The following DLG5 variants were observed in gnomAD, a reference collection of about 807,000 sequenced individuals.
DLG5 encodes the protein discs large MAGUK scaffold protein 5.
In DLG5, 48 loss-of-function variants were observed where a neutral mutation model predicts 189.8. That is an observed-to-expected ratio of 0.25 (90% confidence interval 0.20 to 0.32). The LOEUF (loss-of-function observed/expected upper bound fraction) is 0.32, where lower values mean the gene tolerates loss of function less well. DLG5 is among the 10% of genes least tolerant of loss of function. The pLI is 1.00. For synonymous variants in DLG5, 1,016 were observed against 1,054.1 expected (o/e 0.96, Z 0.70); for missense variants, 2,160 against 2,544.7 (o/e 0.85, Z 3.25).
At position 77,823,776 on chromosome 10, in the gene DLG5, C is replaced by A. The variant is rs567833797; in HGVS notation, c.2382+608G>T. ...GAACTCCCGACCTCAGGTGATCCAC[C>A]CGCCTCCCAAAGTGCTGGGATTACA... On this transcript the variant is annotated intron_variant, in intron 14 of 31. Coordinates refer to ENST00000372391, the MANE Select transcript of DLG5 (RefSeq NM_004747.4). Among the ~76,000 whole-genome samples, 3 of 152,220 alleles carry A rather than the reference C, an allele frequency of 2.0e-5. No homozygotes were observed. The East Asian group carries it at 5.8e-4, about 29-fold the overall frequency.
At chr10:77,876,388 T>G (rs1200471165) in intron 1 of DLG5, among the ~76,000 whole-genome samples, 1 of 148,834 alleles carries the variant, frequency 6.7e-6, no homozygotes, top group Non-Finnish European at 1.5e-5. Flanking sequence ...TTTTTTTTTT[T>G]TTTTGAAAGA....
chr10:77,923,286 G>A (rs566334205), intron 1 of DLG5, among the ~76,000 whole-genome samples: 1 of 152,246 alleles, frequency 6.6e-6, no homozygotes, highest in African/African-American at 2.4e-5. Context: ...AGTGGAAGGA[G>A]GCAGGACCAA....
Position 77,830,400 on chromosome 10 carries a change from G to A in DLG5, c.1882-56C>T. ...TCACAAAGCAGTGACAGAGACATTT[G>A]GCTCTTAAGCCCCGAAGCTGCCCAC... is the stretch of plus-strand genomic sequence containing the variant. On this transcript the variant is annotated intron_variant, in intron 10 of 31. Transcript: ENST00000372391. 3.1e-6 allele frequency: 5 copies of A among 1,611,278 alleles called. No homozygotes were observed. The South Asian group carries it at 5.5e-5, about 18-fold the overall frequency.
At chr10:77,794,205 C>A in intron 30 of DLG5, 88 bp from the exon 31 acceptor site, 1 of 1,179,414 alleles carries the variant, frequency 8.5e-7, no homozygotes, top group Admixed American at 1.7e-5. Flanking sequence ...GGGGCCCCAT[C>A]AAGGCAGGGG....
chr10:77,915,357 T>C (rs1263682600), intron 1 of DLG5, among the ~76,000 whole-genome samples: 1 of 151,676 alleles, frequency 6.6e-6, no homozygotes, highest in Non-Finnish European at 1.5e-5. Flanking sequence ...ACGTTTAGTG[T>C]TTTGGTACTC....
In DLG5 at chr10:77,902,874, A is replaced by AAAAT. The variant is rs917170266; in HGVS notation, c.304+23339_304+23342dup. Among the ~76,000 whole-genome samples, 195 of 104,616 alleles carry AAAAT rather than the reference A, an allele frequency of 1.9e-3. 2 individuals are homozygous for AAAAT. Among genetic ancestry groups the AAAAT allele is most frequent in the Admixed American group, 2.3e-3 (27 of 11,560 alleles). 68.6% of individuals were successfully genotyped at this position (104,616 alleles called of 152,430 possible). On this transcript the variant is annotated intron_variant, in intron 1 of 31. Transcript: ENST00000372391. ...GACTCCATCTCAAAAAATAAATAAA[A>AAAAT]AAATAAATAAATAAATAAATAAATA...
intron 1 of DLG5, among the ~76,000 whole-genome samples, chr10:77,871,713 T>C (rs2154577139): frequency 6.6e-6 from 1 of 151,932 alleles, no homozygotes; most frequent in East Asian, 1.9e-4. Flanking sequence ...TGCCTAATTT[T>C]TTCTATTTTT....
chr10:77,889,079 C>G (rs1177362618), intron 1 of DLG5, among the ~76,000 whole-genome samples: 2 of 141,472 alleles, frequency 1.4e-5, no homozygotes, highest in East Asian at 4.3e-4. Flanking sequence ...GCCTCACAAG[C>G]CCACAGGTAA....
At chr10:77,863,029 T>A (rs1173870577) in intron 2 of DLG5, among the ~76,000 whole-genome samples, 1 of 152,196 alleles carries the variant, frequency 6.6e-6, no homozygotes, top group Non-Finnish European at 1.5e-5. Context: ...ACTTGAACTG[T>A]ATACTTACAA....
chr10:77,818,038 G>A, intron 17 of DLG5, 149 bp from the exon 18 acceptor site: 1 of 658,800 alleles, frequency 1.5e-6, no homozygotes, highest in Non-Finnish European at 2.6e-6. Context: ...ATAGCAGGCT[G>A]CCCTCAGCCA....
At chr10:77,866,393 G>A (rs1393740976) in intron 2 of DLG5, among the ~76,000 whole-genome samples, 3 of 152,166 alleles carry the variant, frequency 2.0e-5, no homozygotes, top group South Asian at 2.1e-4. Context: ...GTGGTCCAGC[G>A]ACCAGGCTTT....
At chr10:77,924,968 C>T (rs908115635) in intron 1 of DLG5, among the ~76,000 whole-genome samples, 1 of 152,138 alleles carries the variant, frequency 6.6e-6, no homozygotes, top group Non-Finnish European at 1.5e-5. Context: ...ATAAATGGGT[C>T]CCATCAGCCT....
In DLG5 at chr10:77,819,961, G is replaced by T; in HGVS notation, c.3460C>A (p.Pro1154Thr). The T allele has an allele frequency of 6.2e-7, 1 of 1,612,640 alleles. No individual in the cohort carries two copies. The highest frequency in any genetic ancestry group is 8.5e-7 in the Non-Finnish European group (1 of 1,179,510). The change falls in exon 16 of 32, where the codon CCT becomes ACT. Residue 1154 changes from proline to threonine, a missense_variant. Pro to Thr is a conservative substitution (Grantham distance 38). Coordinates refer to ENST00000372391, the MANE Select transcript of DLG5 (RefSeq NM_004747.4). ...CGGCTGGAATGCCCAGGCGAGTAAG[G>T]TGCCCACTCCTGGAGCTCCGGGGAG... Reference protein sequence around the residue: ...ELSPELQEWAPYSPGHSSRHS... With the variant: ...ELSPELQEWATYSPGHSSRHS...
At chr10:77,835,946 G>T in intron 7 of DLG5, 24 bp from the exon 8 acceptor site, 2 of 1,596,970 alleles carry the variant, frequency 1.3e-6, no homozygotes, top group South Asian at 2.2e-5. Flanking sequence ...GGGGCAGGAA[G>T]AGGGAGAGGT....
At chr10:77,932,841 C>T in the DLG5 span, among the ~76,000 whole-genome samples, 5 of 152,202 alleles carry the variant, frequency 3.3e-5, no homozygotes, top group Admixed American at 6.5e-5. Flanking sequence ...TACCAGGCCC[C>T]ACTGCTCTTC....
In DLG5 at chr10:77,792,552, G is replaced by A. The variant is rs779992597; in HGVS notation, c.5657-9C>T. The stretch of plus-strand genomic sequence containing the variant: ...TCCTCCCTGGATGACCCCTGCAAAA[G>A]AGCCCCCCAGACACGTCATTCAGCT... On this transcript the variant is annotated splice_polypyrimidine_tract_variant and intron_variant, in intron 31 of 31. Transcript: ENST00000372391. 17 of 1,613,834 alleles carry A rather than the reference G, an allele frequency of 1.1e-5. No homozygotes were observed. Among genetic ancestry groups the A allele is most frequent in the East Asian group, 2.2e-5 (1 of 44,882 alleles).
intron 31 of DLG5, chr10:77,792,812 G>C: frequency 2.2e-6 from 1 of 448,206 alleles, no homozygotes; most frequent in Non-Finnish European, 4.0e-6. Context: ...GAATCCCAGG[G>C]CATCAGAAGG....
At chr10:77,829,246 G>A in intron 12 of DLG5, 109 bp downstream of exon 12, 1 of 1,427,664 alleles carries the variant, frequency 7.0e-7, no homozygotes. Context: ...AAATGGCATT[G>A]GCCCCTCATC....
At chr10:77,876,670 C>T (rs1432494903) in intron 1 of DLG5, among the ~76,000 whole-genome samples, 2 of 109,588 alleles carry the variant, frequency 1.8e-5, no homozygotes, top group Non-Finnish European at 1.7e-5. Flanking sequence ...CCAATCCCAT[C>T]TTTTTTTTCT....
Sources: allele counts gnomAD v4.1 joint callset (sites outside exome capture counted in the v4.1 genomes callset), GRCh38; gene constraint gnomAD v4.1.1; transcripts MANE v1.5; gene names NCBI Gene and HGNC (gene_info 2026-07-23, HGNC 2026-07-21).